The following FAM184B variants were observed in gnomAD, a reference collection of about 807,000 sequenced individuals.
The protein encoded by FAM184B is protein FAM184B.
FAM184B carries 111 observed loss-of-function variants against 135.9 expected under a neutral mutation model. The observed-to-expected ratio is 0.82, with a 90% confidence interval of 0.70 to 0.96. The LOEUF (loss-of-function observed/expected upper bound fraction) is 0.96. Among genes scored for constraint, FAM184B ranks in the 40% least tolerant of loss-of-function variants. The pLI, the probability that FAM184B is intolerant of heterozygous loss-of-function variation, is 0.00. For synonymous variants in FAM184B, 552 were observed against 524.8 expected, an observed-to-expected ratio of 1.05 and a Z score of -0.71; for missense variants, 1,375 against 1,323.9, an observed-to-expected ratio of 1.04 and a Z score of -0.60.
At position 17,659,939 on chromosome 4, in the gene FAM184B, C is replaced by A; in HGVS notation, c.1824+19G>T. 6.5e-7 allele frequency: 1 copy of A among 1,549,450 alleles called. No individual in the cohort carries two copies. The stretch of plus-strand genomic sequence containing the variant: ...CAGGATCTCAGGAAGGGGGCACATC[C>A]CCACCAGGGTTGTCCTACCTGGGCT... On this transcript the variant is annotated intron_variant, in intron 9 of 17. Transcript: ENST00000265018.
intron 12 of FAM184B, 72 bp from the exon 13 acceptor site, chr4:17,642,300 T>C (rs1715346740): frequency 7.2e-7 from 1 of 1,391,060 alleles, no homozygotes; most frequent in Admixed American, 3.4e-5. Flanking sequence ...GCCAGAGATG[T>C]GCTGCGGCGA....
At chr4:17,769,943 C>G (rs1474802705) in intron 1 of FAM184B, among the ~76,000 whole-genome samples, 1 of 152,052 alleles carries the variant, frequency 6.6e-6, no homozygotes, top group African/African-American at 2.4e-5. Flanking sequence ...TGGGGCAGGG[C>G]AGCCGCATTA....
At chr4:17,739,555 G>GTTTTTTTTTTTTTT (rs397992408) in intron 1 of FAM184B, among the ~76,000 whole-genome samples, 23,348 of 62,288 alleles carry the variant, frequency 0.37, 9,948 homozygotes, top group East Asian at 0.6. Flanking sequence ...CATACCAACT[G>GTTTTTTTTTTTTTT]TTTTTTTTTT....
At chr4:17,647,569 G>A (rs1715503360) in intron 12 of FAM184B, 68 bp downstream of exon 12, 12 of 1,495,978 alleles carry the variant, frequency 8.0e-6, no homozygotes, top group Non-Finnish European at 8.1e-6. Context: ...TCCTTTATGG[G>A]GCTTCTTACT....
chr4:17,661,109 GGA>G (rs1320658833), intron 8 of FAM184B, among the ~76,000 whole-genome samples: 1 of 152,124 alleles, frequency 6.6e-6, no homozygotes, highest in African/African-American at 2.4e-5. Context: ...ACTCAATACG[GGA>G]GAGAGTTTAA....
intron 1 of FAM184B, among the ~76,000 whole-genome samples, chr4:17,730,117 T>G (rs1419111853): frequency 6.6e-6 from 1 of 152,114 alleles, no homozygotes. Flanking sequence ...ACTTGAAGAA[T>G]GCAGAAGCCC....
At chr4:17,732,254 C>T (rs1295166373) in intron 1 of FAM184B, among the ~76,000 whole-genome samples, 1 of 151,970 alleles carries the variant, frequency 6.6e-6, no homozygotes, top group Non-Finnish European at 1.5e-5. Context: ...AAATCGACAC[C>T]CTAACGTCAC....
intron 1 of FAM184B, among the ~76,000 whole-genome samples, chr4:17,775,253 T>C (rs1226298096): frequency 6.6e-6 from 1 of 152,154 alleles, no homozygotes; most frequent in East Asian, 1.9e-4. Context: ...TGGTGCTGTC[T>C]TGGCTCACTG....
At chr4:17,755,600 T>C (rs760411344) in intron 1 of FAM184B, among the ~76,000 whole-genome samples, 45 of 152,292 alleles carry the variant, frequency 3.0e-4, no homozygotes, top group Non-Finnish European at 6.0e-4. Context: ...TATAAAGATA[T>C]GTACATGCAT....
intron 11 of FAM184B, 74 bp from the exon 12 acceptor site, chr4:17,647,865 C>A: frequency 7.0e-7 from 1 of 1,427,578 alleles, no homozygotes; most frequent in Non-Finnish European, 9.4e-7. Flanking sequence ...ACAACAGTCT[C>A]TGGGGTGGGG....
rs769702478 is a variant in FAM184B, at chr4:17,709,524, C to T, written c.262G>A (p.Glu88Lys). ...GCTTCCTCCTCTGCGCAGCCCTGTT[C>T]CTGCAGGAGCCTGGCCTTGGTCTCT... ...VAETKARLLQ[E>K]QGCAEEEALL... Residue 88 changes from glutamate to lysine, a missense_variant, in exon 2 of 18, where the codon GAA becomes AAA. Transcript: ENST00000265018. The T allele has an allele frequency of 3.2e-6, 5 of 1,550,956 alleles. No homozygotes were observed. Among genetic ancestry groups the T allele is most frequent in the Non-Finnish European group, 3.5e-6 (4 of 1,146,976 alleles).
At chr4:17,655,523 G>A (rs1180949690) in intron 10 of FAM184B, among the ~76,000 whole-genome samples, 1 of 152,076 alleles carries the variant, frequency 6.6e-6, no homozygotes, top group East Asian at 1.9e-4. Context: ...GCCAGTTTGG[G>A]GCCTCCTGAG....
Position 17,705,042 on chromosome 4 carries a change from G to C in FAM184B, c.1335C>G (p.Ser445=). ...TTTCAGCCTCCACGGACGAGCGAACGGATTTGATTTCCACGGTGTGCTTCT... is the reference window on the plus strand; with the variant it reads ...TTTCAGCCTCCACGGACGAGCGAACCGATTTGATTTCCACGGTGTGCTTCT... ...LVKKHTVEIK[S]VRSSVEAERK... is the part of the protein sequence containing the mutation. Residue 445 remains serine (S), a synonymous_variant, in exon 5 of 18, where the codon TCC becomes TCG. Coordinates refer to ENST00000265018, the MANE Select transcript of FAM184B (RefSeq NM_015688.2). The C allele has an allele frequency of 6.4e-7, 1 of 1,551,690 alleles. No homozygotes were observed. The highest frequency in any genetic ancestry group is 8.7e-7 in the Non-Finnish European group (1 of 1,146,998).
chr4:17,660,163 G>A, intron 8 of FAM184B, 76 bp from the exon 9 acceptor site: 1 of 1,502,044 alleles, frequency 6.7e-7, no homozygotes, highest in Non-Finnish European at 9.0e-7. Flanking sequence ...TAACGTGCCA[G>A]CCACTGTGCC....
intron 11 of FAM184B, among the ~76,000 whole-genome samples, chr4:17,649,199 T>C (rs867528467): frequency 6.6e-6 from 1 of 152,188 alleles, no homozygotes; most frequent in Non-Finnish European, 1.5e-5. Context: ...AGTGTATTCA[T>C]TATAAAAGCT....
intron 1 of FAM184B, among the ~76,000 whole-genome samples, chr4:17,725,573 T>C (rs940742296): frequency 2.0e-5 from 3 of 152,090 alleles, no homozygotes; most frequent in Non-Finnish European, 4.4e-5. Flanking sequence ...TATTAGCACA[T>C]TTGAAGGTGA....
intron 1 of FAM184B, among the ~76,000 whole-genome samples, chr4:17,730,645 A>G (rs996203381): frequency 2.0e-5 from 3 of 152,180 alleles, no homozygotes; most frequent in African/African-American, 7.2e-5. Context: ...GAAAAAACAG[A>G]GCAGAAAAAC....
intron 1 of FAM184B, among the ~76,000 whole-genome samples, chr4:17,780,806 G>A (rs546339994): frequency 6.6e-6 from 1 of 152,260 alleles, no homozygotes; most frequent in South Asian, 2.1e-4. Context: ...CTCCCCAGCT[G>A]TAAAGTATGG....
intron 7 of FAM184B, among the ~76,000 whole-genome samples, chr4:17,674,963 A>G (rs897132691): frequency 2.0e-5 from 3 of 152,122 alleles, no homozygotes; most frequent in African/African-American, 7.2e-5. Flanking sequence ...GAGGGTTGGA[A>G]TCAATTTCTT....
Sources: allele counts gnomAD v4.1 joint callset (sites outside exome capture counted in the v4.1 genomes callset), GRCh38; gene constraint gnomAD v4.1.1; transcripts MANE v1.5; gene names NCBI Gene and HGNC (gene_info 2026-07-23, HGNC 2026-07-21).